The following FAM53A variants were observed in gnomAD, a reference collection of about 807,000 sequenced individuals.
FAM53A encodes the protein protein FAM53A.
A neutral mutation model predicts 26.6 loss-of-function variants in FAM53A; 28 were observed. The ratio of observed to expected loss-of-function variants is 1.05; its 90% CI spans 0.78 to 1.45. The LOEUF (loss-of-function observed/expected upper bound fraction) is 1.45, where lower values mean the gene tolerates loss of function less well. FAM53A is among the 40% of genes most tolerant of loss of function. The pLI is 0.00. For missense variants in FAM53A, 650 were observed against 575.8 expected (o/e 1.13, Z -1.32); for synonymous variants, 290 against 253.1 (o/e 1.15, Z -1.38).
At chr4:1,574,630 A>G in the FAM53A span, 1 of 152,502 alleles carries the variant, frequency 6.6e-6, no homozygotes. Context: ...GCCCTCAGCC[A>G]AGGGATCATT....
At chr4:1,635,814 T>C (rs935209859), downstream of FAM53A, among the ~76,000 whole-genome samples, 5 of 150,648 alleles carry the variant, frequency 3.3e-5, no homozygotes, top group South Asian at 2.1e-4. Context: ...GGTCAGAAGA[T>C]AGGACCTGTA....
At chr4:1,603,307 C>A in the FAM53A span, among the ~76,000 whole-genome samples, 1 of 152,134 alleles carries the variant, frequency 6.6e-6, no homozygotes, top group South Asian at 2.1e-4. Context: ...AAGAGCCAGA[C>A]CTTCAAGGGG....
chr4:1,615,232 C>T (rs1348958425), downstream of FAM53A, among the ~76,000 whole-genome samples: 1 of 150,300 alleles, frequency 6.7e-6, no homozygotes, highest in African/African-American at 2.5e-5. Flanking sequence ...ATGCCCATCC[C>T]GCCTGGGCAC....
At chr4:1,674,856 T>C (rs574599865) in intron 1 of FAM53A, among the ~76,000 whole-genome samples, 1 of 152,254 alleles carries the variant, frequency 6.6e-6, no homozygotes, top group African/African-American at 2.4e-5. Context: ...TCACGAGGCA[T>C]GATGGACAGC....
intron 1 of FAM53A, among the ~76,000 whole-genome samples, chr4:1,681,962 C>T (rs1216167325): frequency 3.3e-5 from 5 of 152,182 alleles, no homozygotes; most frequent in Admixed American, 1.3e-4. Flanking sequence ...CACAAAGCCC[C>T]GGGTTCAGAC....
chr4:1,682,986 A>C (rs1715560971), intron 1 of FAM53A, among the ~76,000 whole-genome samples: 1 of 152,236 alleles, frequency 6.6e-6, no homozygotes, highest in Admixed American at 6.5e-5. Flanking sequence ...CTGCAGAATC[A>C]AAAGCTCTAA....
chr4:1,588,430 G>A, the FAM53A span, among the ~76,000 whole-genome samples: 21 of 152,164 alleles, frequency 1.4e-4, no homozygotes, highest in Non-Finnish European at 2.9e-4. Flanking sequence ...ATGATGGTGC[G>A]TGACTGCCGA....
the FAM53A span, among the ~76,000 whole-genome samples, chr4:1,579,188 C>T: frequency 1.3e-5 from 2 of 149,842 alleles, no homozygotes; most frequent in East Asian, 4.0e-4. Context: ...CCCCTGCCCT[C>T]CCTGCCCTGG....
At chr4:1,590,954 G>GTATATA in the FAM53A span, among the ~76,000 whole-genome samples, 1 of 23,660 alleles carries the variant, frequency 4.2e-5, no homozygotes, top group African/African-American at 1.7e-4. Flanking sequence ...ATTATTTAAT[G>GTATATA]CATATATATA....
downstream of FAM53A, among the ~76,000 whole-genome samples, chr4:1,637,036 A>G (rs191827233): frequency 1.3e-5 from 2 of 152,274 alleles, no homozygotes; most frequent in East Asian, 3.9e-4. Flanking sequence ...GCTGCACCAG[A>G]GCACGGGCAG....
chr4:1,606,759 G>A, the FAM53A span, among the ~76,000 whole-genome samples: 36 of 152,220 alleles, frequency 2.4e-4, no homozygotes, highest in African/African-American at 8.7e-4. Context: ...CCCCTGCGAG[G>A]GACTCGGGCA....
upstream of FAM53A, among the ~76,000 whole-genome samples, chr4:1,685,618 A>T (rs1210874312): frequency 6.6e-6 from 1 of 152,072 alleles, no homozygotes; most frequent in African/African-American, 2.4e-5. Flanking sequence ...AAGCCAGGCC[A>T]GCTGACACCA....
the FAM53A span, among the ~76,000 whole-genome samples, chr4:1,585,298 T>C: frequency 0.65 from 67,681 of 104,372 alleles, 18,268 homozygotes; most frequent in East Asian, 0.79. Context: ...TTTTTTTTTT[T>C]TGGAGACAGA....
intron 1 of FAM53A, among the ~76,000 whole-genome samples, chr4:1,670,057 A>G: frequency 6.6e-6 from 1 of 152,198 alleles, no homozygotes; most frequent in East Asian, 1.9e-4. Flanking sequence ...ATCTGCCCCA[A>G]AAGCCTGGCA....
chr4:1,652,922 TCACCACACACACCCC>T (rs1238098042), intron 4 of FAM53A, among the ~76,000 whole-genome samples: 2 of 120,616 alleles, frequency 1.7e-5, no homozygotes, highest in African/African-American at 6.6e-5. Context: ...CAGACAGCAC[TCACCACACACACCCC>T]CACCACACAC....
chr4:1,636,144 G>A (rs571944094), downstream of FAM53A, among the ~76,000 whole-genome samples: 3 of 152,298 alleles, frequency 2.0e-5, no homozygotes, highest in Non-Finnish European at 2.9e-5. Context: ...GCCACGCCCG[G>A]CCATGATACT....
chr4:1,660,827 G>A (rs1224384385), intron 2 of FAM53A, among the ~76,000 whole-genome samples: 1 of 151,852 alleles, frequency 6.6e-6, no homozygotes, highest in Non-Finnish European at 1.5e-5. Flanking sequence ...CTTGCAGTGA[G>A]CGGAGATCAC....
intron 4 of FAM53A, among the ~76,000 whole-genome samples, chr4:1,648,459 A>G (rs1286205550): frequency 6.6e-6 from 1 of 152,134 alleles, no homozygotes; most frequent in Non-Finnish European, 1.5e-5. Flanking sequence ...CTGGCCCCTC[A>G]GGAGTCTTGG....
intron 4 of FAM53A, among the ~76,000 whole-genome samples, chr4:1,645,722 C>G (rs1210016341): frequency 6.6e-6 from 1 of 152,368 alleles, no homozygotes; most frequent in African/African-American, 2.4e-5. Context: ...CCACCTCACT[C>G]ACCACCTCTG....
Sources: allele counts gnomAD v4.1 joint callset (sites outside exome capture counted in the v4.1 genomes callset), GRCh38; gene constraint gnomAD v4.1.1; transcripts MANE v1.5; gene names NCBI Gene and HGNC (gene_info 2026-07-23, HGNC 2026-07-21).